The following NELL1 variants were observed in gnomAD, a reference collection of about 807,000 sequenced individuals.
The protein encoded by NELL1 is protein kinase C-binding protein NELL1.
A neutral mutation model predicts 107.4 loss-of-function variants in NELL1; 76 were observed. That is an observed-to-expected ratio of 0.71 (90% CI 0.59 to 0.86). The LOEUF is 0.86. Among genes scored for constraint, NELL1 ranks in the 40% least tolerant of loss-of-function variants. The pLI, the probability that NELL1 is intolerant of heterozygous loss-of-function variation, is 0.00. For missense variants in NELL1, 1,024 were observed against 1,005.5 expected, an observed-to-expected ratio of 1.02 and a Z score of -0.25; for synonymous variants, 353 against 341.2, an observed-to-expected ratio of 1.03 and a Z score of -0.38.
intron 13 of NELL1, among the ~76,000 whole-genome samples, chr11:21,197,383 G>T (rs1461934836): frequency 6.7e-6 from 1 of 149,032 alleles, no homozygotes; most frequent in African/African-American, 2.5e-5. Context: ...TATGCTTCTG[G>T]GTTCCTGTAG....
At chr11:20,985,421 C>G (rs1030849865) in intron 12 of NELL1, among the ~76,000 whole-genome samples, 4 of 152,024 alleles carry the variant, frequency 2.6e-5, no homozygotes, top group Non-Finnish European at 5.9e-5. Context: ...GTAAGTAGAA[C>G]TAGGGAGATT....
chr11:21,374,954 G>A (rs1389186474), intron 15 of NELL1, among the ~76,000 whole-genome samples: 2 of 151,106 alleles, frequency 1.3e-5, no homozygotes, highest in Non-Finnish European at 3.0e-5. Context: ...TGCACATGCA[G>A]GTGTGGACTT....
intron 2 of NELL1, among the ~76,000 whole-genome samples, chr11:20,720,593 T>C (rs1855358094): frequency 6.6e-6 from 1 of 152,186 alleles, no homozygotes; most frequent in Non-Finnish European, 1.5e-5. Flanking sequence ...CAGAATTTTT[T>C]CTTTCCATTT....
chr11:21,383,528 A>G (rs1022512239), intron 15 of NELL1, among the ~76,000 whole-genome samples: 10 of 151,828 alleles, frequency 6.6e-5, no homozygotes, highest in African/African-American at 2.2e-4. Flanking sequence ...TTTATCTCCT[A>G]CTTCTCCTTA....
intron 15 of NELL1, among the ~76,000 whole-genome samples, chr11:21,533,849 C>A (rs55983860): frequency 0.16 from 23,615 of 151,942 alleles, 1,961 homozygotes; most frequent in African/African-American, 0.21. Flanking sequence ...AAATAAATTT[C>A]GGAAACAGTG....
intron 12 of NELL1, among the ~76,000 whole-genome samples, chr11:21,048,741 C>T (rs1256189560): frequency 6.6e-6 from 1 of 152,170 alleles, no homozygotes; most frequent in Non-Finnish European, 1.5e-5. Context: ...CCTCCCTTCC[C>T]TTCCATGCAC....
At chr11:21,194,348 T>A (rs1039085649) in intron 13 of NELL1, among the ~76,000 whole-genome samples, 2 of 152,130 alleles carry the variant, frequency 1.3e-5, no homozygotes, top group African/African-American at 4.8e-5. Flanking sequence ...TTTTTCCCAA[T>A]TTTATCTTTT....
chr11:21,044,904 A>G (rs996714371), intron 12 of NELL1, among the ~76,000 whole-genome samples: 24 of 152,122 alleles, frequency 1.6e-4, no homozygotes, highest in Admixed American at 5.9e-4. Context: ...AGGAATATGT[A>G]GTAATGTCCC....
At chr11:21,055,405 G>A (rs1461578797) in intron 12 of NELL1, among the ~76,000 whole-genome samples, 1 of 151,984 alleles carries the variant, frequency 6.6e-6, no homozygotes, top group African/African-American at 2.4e-5. Context: ...TTTATAAATA[G>A]TTTTGAGAGT....
intron 12 of NELL1, among the ~76,000 whole-genome samples, chr11:21,046,344 T>C (rs796716638): frequency 6.6e-5 from 10 of 152,306 alleles, no homozygotes; most frequent in African/African-American, 2.4e-4. Flanking sequence ...CTACCATTAT[T>C]TGGCTGAATT....
intron 1 of NELL1, among the ~76,000 whole-genome samples, chr11:20,671,781 T>G (rs1468554677): frequency 4.8e-4 from 67 of 140,316 alleles, no homozygotes; most frequent in South Asian, 1.2e-3. Flanking sequence ...ATGGGGGGGG[T>G]GGTGGAGAGG....
intron 12 of NELL1, among the ~76,000 whole-genome samples, chr11:21,048,039 T>A (rs917578309): frequency 6.6e-6 from 1 of 152,208 alleles, no homozygotes; most frequent in Non-Finnish European, 1.5e-5. Flanking sequence ...ATAAGGCATT[T>A]CTTGTACAGT....
intron 2 of NELL1, among the ~76,000 whole-genome samples, chr11:20,725,190 C>T (rs1461207394): frequency 6.6e-6 from 1 of 152,212 alleles, no homozygotes; most frequent in East Asian, 1.9e-4. Flanking sequence ...CATCTCCAAA[C>T]AGTTCATGCA....
At position 20,916,106 on chromosome 11, in the gene NELL1, T is replaced by C. The variant is rs116626441; in HGVS notation, c.604-2076T>C. 2.3e-3 allele frequency among the ~76,000 whole-genome samples: 351 copies of C among 152,014 alleles called. 2 individuals are homozygous for C. The highest frequency in any genetic ancestry group is 8.1e-3 in the African/African-American group (337 of 41,518). The stretch of plus-strand genomic sequence containing the variant: ...AAGAACACATTTTCATGCCAGTATG[T>C]GGGCTCACCTCTATGACCTTTCCTT... On this transcript the variant is annotated intron_variant, in intron 5 of 19. Coordinates refer to ENST00000357134, the MANE Select transcript of NELL1 (RefSeq NM_006157.5).
chr11:20,800,097 C>A (rs1857252320), intron 3 of NELL1, among the ~76,000 whole-genome samples: 1 of 152,156 alleles, frequency 6.6e-6, no homozygotes, highest in South Asian at 2.1e-4. Flanking sequence ...TTTTCTTTAT[C>A]CAATCCACCA....
At chr11:21,193,983 A>G (rs1857099263) in intron 13 of NELL1, among the ~76,000 whole-genome samples, 1 of 151,816 alleles carries the variant, frequency 6.6e-6, no homozygotes, top group African/African-American at 2.4e-5. Flanking sequence ...TCCTTATTCC[A>G]TCAAATTTTA....
In NELL1 at chr11:20,833,565, T is replaced by C. The variant is rs544039524; in HGVS notation, c.336-14018T>C. Among the ~76,000 whole-genome samples the C allele has an allele frequency of 8.5e-5, 13 of 152,322 alleles. No individual in the cohort carries two copies. The South Asian group carries it at 2.3e-3, about 27-fold the overall frequency. ...GATAACATGGTGAGAAAAACAGATATAGTCCATGTGTTCCTAAAGCTTATC... is the reference window on the plus strand; with the variant it reads ...GATAACATGGTGAGAAAAACAGATACAGTCCATGTGTTCCTAAAGCTTATC... On this transcript the variant is annotated intron_variant, in intron 3 of 19. Transcript: ENST00000357134.
At chr11:21,488,738 G>C (rs377541917) in intron 15 of NELL1, among the ~76,000 whole-genome samples, 2 of 151,990 alleles carry the variant, frequency 1.3e-5, no homozygotes, top group Non-Finnish European at 2.9e-5. Context: ...CCTTTAAAAC[G>C]TGACAATGGG....
intron 3 of NELL1, among the ~76,000 whole-genome samples, chr11:20,845,544 A>G (rs1848688396): frequency 6.6e-6 from 1 of 152,168 alleles, no homozygotes; most frequent in Admixed American, 6.6e-5. Context: ...ATGATGTGTG[A>G]ATCCTGGTAG....
Sources: gnomAD v4.1 joint callset for allele counts (sites outside exome capture counted in the v4.1 genomes callset) on GRCh38, gnomAD v4.1.1 for gene constraint, MANE v1.5 for transcripts, NCBI Gene and HGNC (gene_info 2026-07-23, HGNC 2026-07-21) for gene names.